CSF2RB: variants seen among roughly 807,000 people sequenced by gnomAD.
CSF2RB encodes the protein colony stimulating factor 2 receptor subunit beta.
A neutral mutation model predicts 67.2 loss-of-function variants in CSF2RB; 22 were observed. The observed-to-expected ratio is 0.33, with a 90% CI of 0.23 to 0.47. The LOEUF (loss-of-function observed/expected upper bound fraction) is 0.47, where lower values mean the gene tolerates loss of function less well. Ranked by LOEUF, CSF2RB falls within the 20% of genes least tolerant of loss-of-function variation. CSF2RB has a pLI of 1.00. For missense variants in CSF2RB, 1,113 were observed against 1,174.5 expected (o/e 0.95, Z 0.76); for synonymous variants, 507 against 482.9 (o/e 1.05, Z -0.65).
At chr22:36,934,074 A>C (rs1430785497) in intron 10 of CSF2RB, 80 bp downstream of exon 10, 1 of 1,557,234 alleles carries the variant, frequency 6.4e-7, no homozygotes, top group Non-Finnish European at 8.7e-7. Context: ...CCAATGCAGC[A>C]GCCGTAGCAG....
Position 36,922,103 on chromosome 22 carries a change from C to T in CSF2RB, c.-105C>T. The T allele has an allele frequency of 1.8e-6, 2 of 1,109,284 alleles. No homozygotes were observed. Among genetic ancestry groups the T allele is most frequent in the East Asian group, 2.6e-5 (1 of 38,582 alleles). The allele number at this position is 1,109,284 out of a possible 1,614,324, so 68.7% of individuals were successfully genotyped here. A position where few individuals can be genotyped will look rare whatever the true frequency, so the allele number is the denominator to read the frequency against. On this transcript the variant is annotated 5_prime_UTR_variant, in exon 2 of 14. Coordinates refer to ENST00000403662, the MANE Select transcript of CSF2RB (RefSeq NM_000395.3). ...CTGTGAAATGGGTCTGGCCTGGCTC[C>T]CAGCTGGGCAGGAACACAGGACTTC...
At chr22:36,936,776 G>A (rs1045361314) in intron 13 of CSF2RB, 124 bp downstream of exon 13, 3 of 799,410 alleles carry the variant, frequency 3.8e-6, no homozygotes, top group African/African-American at 1.7e-5. Context: ...AAGGGAGCTG[G>A]TTTGCACTAA....
Position 36,933,410 on chromosome 22 carries a change from G to C in CSF2RB, c.1153-422G>C, listed in dbSNP as rs149049334. On this transcript the variant is annotated intron_variant, in intron 9 of 13. Transcript: ENST00000403662. ...AAATGGGGCAACTGAGGCTAGGAGGGAGGTGGGCCAGTGGTGGAGCCAGGA... is the reference window on the plus strand; with the variant it reads ...AAATGGGGCAACTGAGGCTAGGAGGCAGGTGGGCCAGTGGTGGAGCCAGGA... 5.0e-3 allele frequency among the ~76,000 whole-genome samples: 761 copies of C among 152,320 alleles called. 2 individuals carry two copies. Among genetic ancestry groups the C allele is most frequent in the African/African-American group, 0.018 (735 of 41,578 alleles).
At chr22:36,927,930 C>T (rs1355916120) in intron 4 of CSF2RB, among the ~76,000 whole-genome samples, 2 of 152,142 alleles carry the variant, frequency 1.3e-5, no homozygotes, top group African/African-American at 2.4e-5. Flanking sequence ...TTTCCTTGAG[C>T]GCCTACATAA....
In CSF2RB at chr22:36,934,001, G is replaced by A. The variant is rs1158766521; in HGVS notation, c.1315+7G>A. 1.2e-6 allele frequency: 2 copies of A among 1,611,802 alleles called. No homozygotes were observed. The highest frequency in any genetic ancestry group is 1.1e-5 in the South Asian group (1 of 91,076). On this transcript the variant is annotated splice_region_variant and intron_variant, in intron 10 of 13. Transcript: ENST00000403662. ...TCCTGGGACACCGAGTCGGGTAGGT[G>A]AAGGCTGGAGTCCAGAGCTTCTGGC...
chr22:36,937,270 C>A lies in CSF2RB; in HGVS notation c.1569-107C>A. Reference sequence around the variant, plus strand: ...GGTTCTCTCTGTGAGATCTGGGGGACATCAGGGCTTCCAGAGAACCATCTC... The same window carrying A: ...GGTTCTCTCTGTGAGATCTGGGGGAAATCAGGGCTTCCAGAGAACCATCTC... On this transcript the variant is annotated intron_variant, in intron 13 of 13. Transcript: ENST00000403662. The surrounding 1 kb of genome is among the most constrained non-coding windows in gnomAD (Gnocchi z 4.6). 1 of 1,381,694 alleles carries A rather than the reference C, an allele frequency of 7.2e-7. No individual in the cohort carries two copies. The highest frequency in any genetic ancestry group is 2.3e-5 in the East Asian group (1 of 43,406). The allele number at this position is 1,381,694 out of a possible 1,614,324, so 85.6% of individuals were successfully genotyped here.
intron 11 of CSF2RB, 76 bp downstream of exon 11, chr22:36,935,517 C>A: frequency 6.2e-7 from 1 of 1,602,392 alleles, no homozygotes; most frequent in Non-Finnish European, 8.5e-7. Flanking sequence ...CAGCTCCCTC[C>A]AGGCCCTGCT....
chr22:36,923,753 G>C, intron 3 of CSF2RB: 1 of 1,299,436 alleles, frequency 7.7e-7, no homozygotes, highest in Non-Finnish European at 1.0e-6. Flanking sequence ...TGCCTGTCCA[G>C]AGTAGACCAA....
rs1201669809 is a variant in CSF2RB, at chr22:36,939,824, G to A, written c.*1322G>A. 6.6e-6 allele frequency: 1 copy of A among 152,446 alleles called. No individual in the cohort carries two copies. The highest frequency in any genetic ancestry group is 2.4e-5 in the African/African-American group (1 of 41,448). The allele number at this position is 152,446 out of a possible 1,614,324, so 9.4% of individuals were successfully genotyped here. On this transcript the variant is annotated 3_prime_UTR_variant, in exon 14 of 14. Coordinates refer to ENST00000403662, the MANE Select transcript of CSF2RB (RefSeq NM_000395.3). ...GTATGAATATGAATGCTTCTGTAAT[G>A]TCAAACAGATCCCTAGTAAACTCCT...
intron 1 of CSF2RB, among the ~76,000 whole-genome samples, chr22:36,918,124 C>T (rs1228608141): frequency 1.3e-5 from 2 of 152,138 alleles, no homozygotes; most frequent in African/African-American, 4.8e-5. Context: ...TTTAACTTAT[C>T]TGTAAGTGTT....
chr22:36,933,304 C>T (rs1389882082), intron 9 of CSF2RB, among the ~76,000 whole-genome samples: 3 of 152,188 alleles, frequency 2.0e-5, no homozygotes, highest in African/African-American at 7.2e-5. Flanking sequence ...GTCGGGGGTG[C>T]GCCCAGGCCA....
chr22:36,929,717 G>A lies in CSF2RB; in HGVS notation c.628G>A (p.Ala210Thr). ...CCTCATGCCCAGCAGCACCTACGTGGCCCGAGTACGGACCCGCCTGGCCCC... is the reference window on the plus strand; with the variant it reads ...CCTCATGCCCAGCAGCACCTACGTGACCCGAGTACGGACCCGCCTGGCCCC... ...EHLMPSSTYV[A>T]RVRTRLAPGS... Residue 210 changes from alanine (A) to threonine (T), a missense_variant, in exon 6 of 14, where the codon GCC (alanine) becomes ACC (threonine). By Grantham distance (58) the Ala-to-Thr change is moderately conservative. Transcript: ENST00000403662. The A allele has an allele frequency of 1.2e-6, 2 of 1,614,202 alleles. No individual in the cohort carries two copies. Among genetic ancestry groups the A allele is most frequent in the Non-Finnish European group, 1.7e-6 (2 of 1,180,034 alleles).
chr22:36,919,903 GCATA>G (rs1018286210), intron 1 of CSF2RB, among the ~76,000 whole-genome samples: 2 of 152,188 alleles, frequency 1.3e-5, no homozygotes, highest in African/African-American at 4.8e-5. Flanking sequence ...TGCTGGGTTA[GCATA>G]TGTCAGAATA....
intron 8 of CSF2RB, among the ~76,000 whole-genome samples, chr22:36,931,436 T>C (rs1198411139): frequency 6.6e-6 from 1 of 152,274 alleles, no homozygotes; most frequent in Non-Finnish European, 1.5e-5. Context: ...CCATTAACTC[T>C]CTTGGGATCC....
At chr22:36,936,115 T>C (rs540568949) in intron 12 of CSF2RB, among the ~76,000 whole-genome samples, 1 of 152,110 alleles carries the variant, frequency 6.6e-6, no homozygotes. Flanking sequence ...CAGAAACCCT[T>C]CAGGAAGGGA....
At chr22:36,920,130 G>A (rs182050496) in intron 1 of CSF2RB, among the ~76,000 whole-genome samples, 66 of 152,294 alleles carry the variant, frequency 4.3e-4, no homozygotes, top group Non-Finnish European at 8.5e-4. Flanking sequence ...ATTCATATCC[G>A]TAAAACCTTT....
rs1039359322 is a variant in CSF2RB, at chr22:36,913,899, C to T, written c.-173+222C>T. Among the ~76,000 whole-genome samples the T allele has an allele frequency of 2.6e-5, 4 of 152,130 alleles. No homozygotes were observed. In the East Asian group the frequency reaches 7.7e-4, roughly 29 times the overall value. On this transcript the variant is annotated intron_variant, in intron 1 of 13. Coordinates refer to ENST00000403662, the MANE Select transcript of CSF2RB (RefSeq NM_000395.3). ...GGAGGCAGCCAGGGGTGCCAAGCTG[C>T]TTGGGTGTTGTAGGAGAGCTCTGGG...
intron 2 of CSF2RB, 60 bp downstream of exon 2, chr22:36,922,343 G>C: frequency 6.8e-7 from 1 of 1,477,532 alleles, no homozygotes; most frequent in East Asian, 2.5e-5. Context: ...CACCCTGGGG[G>C]AGGGCCGCAG....
intron 1 of CSF2RB, among the ~76,000 whole-genome samples, 165 bp downstream of exon 1, chr22:36,913,842 G>A (rs951800375): frequency 6.2e-4 from 94 of 152,074 alleles, no homozygotes; most frequent in African/African-American, 2.2e-3. Context: ...AGGATGACCT[G>A]AGCCCAGACT....
Sources: allele counts gnomAD v4.1 joint callset (sites outside exome capture counted in the v4.1 genomes callset), GRCh38; gene constraint gnomAD v4.1.1; non-coding constraint Gnocchi (gnomAD v3.1); transcripts MANE v1.5; gene names NCBI Gene and HGNC (gene_info 2026-07-23, HGNC 2026-07-21).